The following CBLN2 variants were observed in gnomAD, a reference collection of about 807,000 sequenced individuals.
CBLN2 encodes cerebellin 2 precursor.
Under a neutral mutation model 15.0 loss-of-function variants are expected in CBLN2, and 7 were observed. The observed-to-expected ratio is 0.47, with a 90% CI of 0.27 to 0.88. The LOEUF (loss-of-function observed/expected upper bound fraction) is 0.88. CBLN2 is among the 40% of genes least tolerant of loss of function. The pLI is 0.14. For synonymous variants in CBLN2, 149 were observed against 135.2 expected, an observed-to-expected ratio of 1.10 and a Z score of -0.71; for missense variants, 242 against 304.5, an observed-to-expected ratio of 0.79 and a Z score of 1.53.
At chr18:72,610,075 A>G (rs1351860637) in intron 1 of CBLN2, among the ~76,000 whole-genome samples, 4 of 152,160 alleles carry the variant, frequency 2.6e-5, no homozygotes, top group African/African-American at 4.8e-5. Flanking sequence ...AGGCTGAAAT[A>G]GGACACACTC....
At chr18:72,631,609 A>G (rs546223626) in intron 1 of CBLN2, among the ~76,000 whole-genome samples, 5 of 152,120 alleles carry the variant, frequency 3.3e-5, no homozygotes, top group Non-Finnish European at 7.4e-5. Flanking sequence ...GGAAAATAAC[A>G]GTGTCACATC....
Position 72,577,456 on chromosome 18 carries a change from TC to T in CBLN2, c.16-38685del, listed in dbSNP as rs2069375552. Among the ~76,000 whole-genome samples, 4 of 152,304 alleles carry T rather than the reference TC, an allele frequency of 2.6e-5. No individual in the cohort carries two copies. The South Asian group carries it at 8.3e-4, about 32-fold the overall frequency. Reference sequence around the variant, plus strand: ...AGCATCTGAGGACAAGATGTCAGAATCCTTAATAAGTCCATGCTGACCCCTG... The same window carrying T: ...AGCATCTGAGGACAAGATGTCAGAATCTTAATAAGTCCATGCTGACCCCTG... On this transcript the variant is annotated intron_variant, in intron 1 of 2. Transcript: ENST00000581073.
chr18:72,554,669 A>C (rs892847310), intron 1 of CBLN2, among the ~76,000 whole-genome samples: 1 of 152,106 alleles, frequency 6.6e-6, no homozygotes, highest in African/African-American at 2.4e-5. Context: ...GAAAAAAAAA[A>C]CTAAAAACTC....
chr18:72,578,013 A>C (rs981486325), intron 1 of CBLN2, among the ~76,000 whole-genome samples: 4 of 152,098 alleles, frequency 2.6e-5, no homozygotes, highest in African/African-American at 9.7e-5. Flanking sequence ...AGTCAGACAG[A>C]TTGGGGTTGC....
upstream of CBLN2, chr18:72,544,601 G>T (rs2069144950): frequency 6.6e-6 from 1 of 152,134 alleles, no homozygotes; most frequent in South Asian, 2.1e-4. Flanking sequence ...CAAAAGCAGC[G>T]CTGACCTCTG....
At chr18:72,567,756 C>G (rs1277410094) in intron 1 of CBLN2, among the ~76,000 whole-genome samples, 1 of 152,194 alleles carries the variant, frequency 6.6e-6, no homozygotes, top group Non-Finnish European at 1.5e-5. Context: ...CAGATGCTCT[C>G]CCATGCCTTC....
intron 3 of CBLN2, 184 bp from the exon 4 acceptor site, chr18:72,538,956 G>A (rs2069088926): frequency 1.4e-5 from 8 of 571,774 alleles, no homozygotes; most frequent in South Asian, 5.9e-5. Flanking sequence ...TCCTATAGCA[G>A]GAAGTAATCT....
chr18:72,545,983 T>C (rs561022707), upstream of CBLN2, among the ~76,000 whole-genome samples: 1 of 152,350 alleles, frequency 6.6e-6, no homozygotes, highest in East Asian at 1.9e-4. Context: ...ATGTGACTTA[T>C]TGGACTAAGT....
At chr18:72,612,805 G>T (rs926730158) in intron 1 of CBLN2, among the ~76,000 whole-genome samples, 2 of 152,188 alleles carry the variant, frequency 1.3e-5, no homozygotes, top group East Asian at 3.8e-4. Flanking sequence ...ATGTGTGTTT[G>T]TATTTTATTT....
chr18:72,556,924 T>G (rs965152242), intron 1 of CBLN2, among the ~76,000 whole-genome samples: 1 of 152,134 alleles, frequency 6.6e-6, no homozygotes, highest in Non-Finnish European at 1.5e-5. Context: ...CCAAATTATA[T>G]GCAGACATAG....
At position 72,538,788 on chromosome 18, in the gene CBLN2, G is replaced by A; in HGVS notation, c.358-16C>T. The A allele has an allele frequency of 1.2e-6, 2 of 1,612,284 alleles. No homozygotes were observed. The highest frequency in any genetic ancestry group is 1.7e-6 in the Non-Finnish European group (2 of 1,179,560). On this transcript the variant is annotated splice_polypyrimidine_tract_variant and intron_variant, in intron 3 of 4. Coordinates refer to ENST00000269503, the MANE Select transcript of CBLN2 (RefSeq NM_182511.4). ...TTACTAATACCTGAAAAAGAAGAGG[G>A]AACACAGCACACAATGGCAAGCCCC...
chr18:72,550,739 T>G (rs2069186840), intron 1 of CBLN2, among the ~76,000 whole-genome samples: 1 of 152,104 alleles, frequency 6.6e-6, no homozygotes, highest in Non-Finnish European at 1.5e-5. Context: ...ATCCTCTATG[T>G]GCCTTTAGGG....
intron 1 of CBLN2, among the ~76,000 whole-genome samples, chr18:72,563,689 T>G (rs2069276005): frequency 6.6e-6 from 1 of 152,208 alleles, no homozygotes; most frequent in South Asian, 2.1e-4. Flanking sequence ...TCCATTTGTT[T>G]GTACACCAAC....
At chr18:72,614,455 T>C (rs1263848283) in intron 1 of CBLN2, among the ~76,000 whole-genome samples, 1 of 152,168 alleles carries the variant, frequency 6.6e-6, no homozygotes, top group Non-Finnish European at 1.5e-5. Context: ...AATTGCAAAA[T>C]AATTTTTCAA....
At chr18:72,571,108 A>G (rs1049266437) in intron 1 of CBLN2, among the ~76,000 whole-genome samples, 1 of 152,076 alleles carries the variant, frequency 6.6e-6, no homozygotes, top group African/African-American at 2.4e-5. Context: ...TTTTATATTG[A>G]TAGATGATAG....
chr18:72,623,406 T>C (rs1308705424), intron 1 of CBLN2, among the ~76,000 whole-genome samples: 3 of 152,180 alleles, frequency 2.0e-5, no homozygotes, highest in African/African-American at 2.4e-5. Flanking sequence ...TCTCCCTTTT[T>C]CTGTATTTTC....
intron 1 of CBLN2, among the ~76,000 whole-genome samples, chr18:72,608,648 AG>A (rs111582714): frequency 0.13 from 19,131 of 152,190 alleles, 2,807 homozygotes; most frequent in African/African-American, 0.36. Flanking sequence ...TTCATGTATA[AG>A]GGACCATTTT....
intron 1 of CBLN2, among the ~76,000 whole-genome samples, chr18:72,609,027 G>A (rs577614271): frequency 3.9e-5 from 6 of 152,268 alleles, no homozygotes; most frequent in African/African-American, 1.4e-4. Flanking sequence ...CCCCAGCTTT[G>A]ACATGGGTAT....
At chr18:72,609,636 G>C (rs1009026355) in intron 1 of CBLN2, among the ~76,000 whole-genome samples, 12 of 152,188 alleles carry the variant, frequency 7.9e-5, no homozygotes, top group Non-Finnish European at 1.5e-4. Context: ...AAAACAGCAA[G>C]TTTCTTCAAC....
Sources: gnomAD v4.1 joint callset for allele counts (sites outside exome capture counted in the v4.1 genomes callset) on GRCh38, gnomAD v4.1.1 for gene constraint, MANE v1.5 for transcripts, NCBI Gene and HGNC (gene_info 2026-07-23, HGNC 2026-07-21) for gene names.